PPM1H: variants seen among roughly 807,000 people sequenced by gnomAD.
PPM1H encodes protein phosphatase, Mg2+/Mn2+ dependent 1H, also known as protein phosphatase 1H.
In PPM1H, 27 loss-of-function variants were observed where a neutral mutation model predicts 54.9. That is an observed-to-expected ratio of 0.49 (90% CI 0.36 to 0.68). PPM1H has a LOEUF of 0.68. Among genes scored for constraint, PPM1H ranks in the 30% least tolerant of loss-of-function variants. The probability of loss-of-function intolerance (pLI) is 0.00; values close to 1 mark genes in which losing one functional copy is unlikely to be tolerated. For missense variants in PPM1H, 596 were observed against 667.8 expected (o/e 0.89, Z 1.19); for synonymous variants, 305 against 270.8 (o/e 1.13, Z -1.24).
intron 5 of PPM1H, among the ~76,000 whole-genome samples, chr12:62,728,176 C>A (rs569800501): frequency 6.6e-6 from 1 of 152,218 alleles, no homozygotes; most frequent in South Asian, 2.1e-4. Flanking sequence ...TCTGCCCTAG[C>A]AAGACCAAAT....
chr12:62,893,865 T>A (rs369752176), intron 1 of PPM1H, among the ~76,000 whole-genome samples: 73 of 152,152 alleles, frequency 4.8e-4, no homozygotes, highest in African/African-American at 1.7e-3. Flanking sequence ...GGTTAGGACT[T>A]CAACATATGA....
At chr12:62,920,147 T>TC (rs1186312321) in intron 1 of PPM1H, among the ~76,000 whole-genome samples, 1 of 152,164 alleles carries the variant, frequency 6.6e-6, no homozygotes, top group African/African-American at 2.4e-5. Flanking sequence ...GGGCATCTAA[T>TC]CGCACTCTTT....
Position 62,838,989 on chromosome 12 carries a change from G to A in PPM1H, c.246-6710C>T, listed in dbSNP as rs113909897. 7.3e-5 allele frequency among the ~76,000 whole-genome samples: 11 copies of A among 150,674 alleles called. 1 individual carries two copies. The highest frequency in any genetic ancestry group is 2.7e-4 in the African/African-American group (11 of 40,926). On this transcript the variant is annotated intron_variant, in intron 1 of 9. Transcript: ENST00000228705. Reference sequence around the variant, plus strand: ...CTCCCAGAGGGTTTCACCTGGCTCCGGGTGGCAGGGGGACAGGAGATCATC... The same window carrying A: ...CTCCCAGAGGGTTTCACCTGGCTCCAGGTGGCAGGGGGACAGGAGATCATC...
intron 5 of PPM1H, among the ~76,000 whole-genome samples, chr12:62,726,826 A>C (rs1260975671): frequency 1.3e-5 from 2 of 152,238 alleles, no homozygotes; most frequent in Non-Finnish European, 2.9e-5. Flanking sequence ...CTGAGTCTTC[A>C]AAATGATTTT....
At chr12:62,805,563 C>G (rs748637410) in intron 2 of PPM1H, among the ~76,000 whole-genome samples, 13 of 152,060 alleles carry the variant, frequency 8.5e-5, no homozygotes, top group Admixed American at 6.5e-5. Flanking sequence ...ATGAATGAAC[C>G]TGGAGGGCAT....
intron 4 of PPM1H, among the ~76,000 whole-genome samples, chr12:62,759,806 T>TG (rs1349943581): frequency 6.6e-6 from 1 of 151,626 alleles, no homozygotes; most frequent in African/African-American, 2.4e-5. Flanking sequence ...TCCACTTTCC[T>TG]GGGGGGCAAG....
At chr12:62,672,957 T>G (rs1272756249) in intron 8 of PPM1H, among the ~76,000 whole-genome samples, 5 of 152,194 alleles carry the variant, frequency 3.3e-5, no homozygotes, top group Non-Finnish European at 7.4e-5. Flanking sequence ...AAATTAAACA[T>G]ACAAGATACT....
At chr12:62,792,389 CT>C (rs769054604) in intron 3 of PPM1H, among the ~76,000 whole-genome samples, 4 of 152,226 alleles carry the variant, frequency 2.6e-5, no homozygotes, top group Non-Finnish European at 4.4e-5. Context: ...GTAGCTCCCC[CT>C]GAATAAGGAA....
At position 62,863,219 on chromosome 12, in the gene PPM1H, G is replaced by T. The variant is rs553588292; in HGVS notation, c.246-30940C>A. ...TGACTTTTTTTTTTTGTAGAGATGG[G>T]GGTCTCACCATGTTGCCAAGACTGG... On this transcript the variant is annotated intron_variant, in intron 1 of 9. Transcript: ENST00000228705. Among the ~76,000 whole-genome samples, 30 of 152,004 alleles carry T rather than the reference G, an allele frequency of 2.0e-4. No homozygotes were observed. In the East Asian group the frequency reaches 4.6e-3, roughly 24 times the overall value.
At chr12:62,917,685 T>A (rs1303891745) in intron 1 of PPM1H, among the ~76,000 whole-genome samples, 1 of 152,198 alleles carries the variant, frequency 6.6e-6, no homozygotes, top group East Asian at 1.9e-4. Flanking sequence ...AGCCTAAACA[T>A]TTAGTCTCTT....
chr12:62,668,168 C>T (rs949958828), intron 8 of PPM1H, among the ~76,000 whole-genome samples: 2 of 152,162 alleles, frequency 1.3e-5, no homozygotes, highest in Non-Finnish European at 1.5e-5. Context: ...AAAATCAAGC[C>T]TCTCTTGGGC....
intron 1 of PPM1H, among the ~76,000 whole-genome samples, chr12:62,916,654 G>A (rs1871633260): frequency 6.6e-6 from 1 of 151,516 alleles, no homozygotes; most frequent in Admixed American, 6.6e-5. Flanking sequence ...AAAATTACTT[G>A]AGCATACTGT....
intron 2 of PPM1H, among the ~76,000 whole-genome samples, chr12:62,812,646 T>C (rs962323836): frequency 6.6e-6 from 1 of 151,924 alleles, no homozygotes; most frequent in Non-Finnish European, 1.5e-5. Flanking sequence ...AGGTGAAAAA[T>C]TGAGAGCTTG....
At chr12:62,715,696 C>A (rs1041504488) in intron 6 of PPM1H, among the ~76,000 whole-genome samples, 1 of 152,170 alleles carries the variant, frequency 6.6e-6, no homozygotes, top group African/African-American at 2.4e-5. Flanking sequence ...CCACTGAGTG[C>A]CGGCGTGGTG....
At chr12:62,878,897 G>GCCA (rs913898780) in intron 1 of PPM1H, among the ~76,000 whole-genome samples, 83 of 152,154 alleles carry the variant, frequency 5.5e-4, no homozygotes, top group African/African-American at 1.9e-3. Flanking sequence ...CAGAGATCGC[G>GCCA]CCACTGCACT....
At chr12:62,685,762 T>C (rs1019675390) in intron 8 of PPM1H, among the ~76,000 whole-genome samples, 1 of 152,102 alleles carries the variant, frequency 6.6e-6, no homozygotes, top group Non-Finnish European at 1.5e-5. Context: ...TTGTTAAGAG[T>C]AGATTTTAAA....
chr12:62,857,935 T>C (rs78378469), intron 1 of PPM1H, among the ~76,000 whole-genome samples: 1 of 152,330 alleles, frequency 6.6e-6, no homozygotes, highest in East Asian at 1.9e-4. Flanking sequence ...TTTTATATGA[T>C]AATTACTTAA....
intron 9 of PPM1H, among the ~76,000 whole-genome samples, chr12:62,651,278 A>G (rs1198697338): frequency 6.6e-6 from 1 of 152,206 alleles, no homozygotes; most frequent in Non-Finnish European, 1.5e-5. Flanking sequence ...CCCATGAGAC[A>G]TGGAAAAAGA....
At chr12:62,675,475 ATGCCCATT>A (rs72415429) in intron 8 of PPM1H, among the ~76,000 whole-genome samples, 14,330 of 152,244 alleles carry the variant, frequency 0.094, 734 homozygotes, top group Middle Eastern at 0.14. Context: ...CTTCACAAAA[ATGCCCATT>A]TGCAAAGATA....
Sources: gnomAD v4.1 joint callset for allele counts (sites outside exome capture counted in the v4.1 genomes callset) on GRCh38, gnomAD v4.1.1 for gene constraint, MANE v1.5 for transcripts, NCBI Gene and HGNC (gene_info 2026-07-23, HGNC 2026-07-21) for gene names.